FXYD6: variants seen among roughly 807,000 people sequenced by gnomAD.
FXYD6 encodes the protein FXYD domain-containing ion transport regulator 6.
FXYD6 carries 7 observed loss-of-function variants against 16.7 expected under a neutral mutation model. That is an observed-to-expected ratio of 0.42 (90% CI 0.24 to 0.79). FXYD6 has a LOEUF of 0.79. Ranked by LOEUF, FXYD6 falls within the 30% of genes least tolerant of loss-of-function variation. FXYD6 has a pLI of 0.28. For synonymous variants in FXYD6, 49 were observed against 43.0 expected (o/e 1.14, Z -0.54); for missense variants, 111 against 116.2 (o/e 0.95, Z 0.21).
rs71482120 is a variant in FXYD6 at position 117,874,918 on chromosome 11, T to C, written c.-6+1674A>G. On this transcript the variant is annotated intron_variant, in intron 1 of 7. Coordinates refer to ENST00000526014, the MANE Select transcript of FXYD6 (RefSeq NM_022003.4). ...GGAAGGGGCTCCTCTTTTGAGGGAA[T>C]CTGGCAGTGCCTTTCCCTCCACCTT... is the stretch of plus-strand genomic sequence containing the variant. 3.2e-3 allele frequency among the ~76,000 whole-genome samples: 493 copies of C among 152,292 alleles called. 4 individuals are homozygous for C. The highest frequency in any genetic ancestry group is 5.8e-3 in the Non-Finnish European group (396 of 68,010).
intron 1 of FXYD6, among the ~76,000 whole-genome samples, chr11:117,851,533 T>C (rs2056610971): frequency 6.6e-6 from 1 of 152,226 alleles, no homozygotes; most frequent in Non-Finnish European, 1.5e-5. Flanking sequence ...AGAAACTGTG[T>C]GAAATATCAA....
At chr11:117,849,884 C>A (rs539036482) in intron 1 of FXYD6, among the ~76,000 whole-genome samples, 1 of 152,116 alleles carries the variant, frequency 6.6e-6, no homozygotes, top group Non-Finnish European at 1.5e-5. Flanking sequence ...TGGGCTAGCT[C>A]CTGTCCAGTT....
chr11:117,876,391 C>T (rs1359568774), intron 1 of FXYD6, among the ~76,000 whole-genome samples: 2 of 152,194 alleles, frequency 1.3e-5, no homozygotes, highest in African/African-American at 4.8e-5. Context: ...TCTCTTCCGA[C>T]GCCGATCTCC....
Position 117,870,194 on chromosome 11 carries a change from A to C in FXYD6, c.-6+6398T>G, listed in dbSNP as rs372905939. Among the ~76,000 whole-genome samples the C allele has an allele frequency of 1.3e-5, 2 of 152,246 alleles. No homozygotes were observed. The highest frequency in any genetic ancestry group is 2.9e-5 in the Non-Finnish European group (2 of 68,032). On this transcript the variant is annotated intron_variant, in intron 1 of 7. Transcript: ENST00000526014. This position sits in a 1 kb window ranked among gnomAD's most constrained non-coding sequence, Gnocchi z 4.2. ...CCGCGCCTTGCCCAGAGGGAGTCAG[A>C]GTGGGATTCAGGCCTCCTGCCTGCC...
At chr11:117,852,075 C>T (rs1042159202) in intron 1 of FXYD6, among the ~76,000 whole-genome samples, 6 of 152,236 alleles carry the variant, frequency 3.9e-5, no homozygotes, top group African/African-American at 1.4e-4. Context: ...TAGCAGCTGA[C>T]AGCTGCCCCT....
intron 4 of FXYD6, 115 bp downstream of exon 4, chr11:117,841,676 C>T: frequency 2.6e-6 from 3 of 1,155,406 alleles, no homozygotes; most frequent in Non-Finnish European, 3.8e-6. Flanking sequence ...ACACGGAGGG[C>T]AGGCAGCCTC....
At chr11:117,874,646 C>T (rs527366471) in intron 1 of FXYD6, among the ~76,000 whole-genome samples, 54 of 152,230 alleles carry the variant, frequency 3.5e-4, no homozygotes, top group Non-Finnish European at 6.6e-4. Context: ...GGCTCAGAGC[C>T]TCCGATGGTC....
chr11:117,863,227 G>C (rs2056946706), intron 1 of FXYD6, among the ~76,000 whole-genome samples: 1 of 152,112 alleles, frequency 6.6e-6, no homozygotes. Flanking sequence ...TGGCACATGT[G>C]GAAATGGGCA....
intron 1 of FXYD6, among the ~76,000 whole-genome samples, chr11:117,851,407 A>G (rs1237653943): frequency 6.6e-6 from 1 of 152,202 alleles, no homozygotes; most frequent in Non-Finnish European, 1.5e-5. Context: ...AAAGCCTGCT[A>G]AGAAATACAG....
intron 1 of FXYD6, among the ~76,000 whole-genome samples, chr11:117,873,761 C>T (rs1736396964): frequency 2.0e-5 from 3 of 151,944 alleles, no homozygotes; most frequent in Admixed American, 2.0e-4. Flanking sequence ...GGTGGGTGGA[C>T]TCCCCCGAGG....
chr11:117,866,705 C>A (rs2057021389), intron 1 of FXYD6, among the ~76,000 whole-genome samples: 1 of 152,214 alleles, frequency 6.6e-6, no homozygotes, highest in Non-Finnish European at 1.5e-5. Context: ...CTCACAGCTG[C>A]TGAGTGCCCC....
chr11:117,861,054 C>A (rs957175118), intron 1 of FXYD6, among the ~76,000 whole-genome samples: 1 of 152,150 alleles, frequency 6.6e-6, no homozygotes. Context: ...GCCTCGGGAG[C>A]GTTACTTGGC....
intron 1 of FXYD6, among the ~76,000 whole-genome samples, chr11:117,858,757 C>CT (rs2056830459): frequency 7.7e-6 from 1 of 130,674 alleles, no homozygotes; most frequent in Non-Finnish European, 1.6e-5. Flanking sequence ...TCCTTCCTTC[C>CT]TTCCTTCCTT....
At chr11:117,847,933 T>A (rs2134151442) in intron 1 of FXYD6, among the ~76,000 whole-genome samples, 1 of 152,308 alleles carries the variant, frequency 6.6e-6, no homozygotes, top group East Asian at 1.9e-4. Context: ...TCCTGAGGAA[T>A]TGCCACACTG....
chr11:117,852,830 A>G (rs2056640055), intron 1 of FXYD6, among the ~76,000 whole-genome samples: 2 of 152,052 alleles, frequency 1.3e-5, no homozygotes, highest in Admixed American at 1.3e-4. Context: ...TTCCTTCTCT[A>G]TGCTACATTC....
At chr11:117,863,801 C>T (rs1228119208) in intron 1 of FXYD6, among the ~76,000 whole-genome samples, 1 of 151,458 alleles carries the variant, frequency 6.6e-6, no homozygotes, top group African/African-American at 2.4e-5. Flanking sequence ...AAAACAATTG[C>T]ATTTCTATAC....
chr11:117,869,536 T>G (rs2134207407), intron 1 of FXYD6, among the ~76,000 whole-genome samples: 1 of 152,332 alleles, frequency 6.6e-6, no homozygotes, highest in African/African-American at 2.4e-5. Flanking sequence ...CCAGCCCGGC[T>G]GCACAGGGTG....
chr11:117,839,997 C>T (rs2056301556), intron 6 of FXYD6, 167 bp from the exon 7 acceptor site: 1 of 835,842 alleles, frequency 1.2e-6, no homozygotes. Flanking sequence ...CTACTTGCTG[C>T]TTACAGGAAC....
chr11:117,869,419 G>A (rs577200705), intron 1 of FXYD6, among the ~76,000 whole-genome samples: 604 of 152,286 alleles, frequency 4.0e-3, no homozygotes, highest in Admixed American at 6.8e-3. Context: ...CCAACGGCTC[G>A]AATGCTGCCC....
Sources: allele counts gnomAD v4.1 joint callset (sites outside exome capture counted in the v4.1 genomes callset), GRCh38; gene constraint gnomAD v4.1.1; non-coding constraint Gnocchi (gnomAD v3.1); transcripts MANE v1.5; gene names NCBI Gene and HGNC (gene_info 2026-07-23, HGNC 2026-07-21).